ROBO2: variants seen among roughly 807,000 people sequenced by gnomAD.
The protein encoded by ROBO2 is roundabout homolog 2.
Under a neutral mutation model 160.8 loss-of-function variants are expected in ROBO2, and 53 were observed. That is an observed-to-expected ratio of 0.33 (90% CI 0.26 to 0.41). The LOEUF (loss-of-function observed/expected upper bound fraction) is 0.41. ROBO2 is among the 10% of genes least tolerant of loss of function. ROBO2 has a pLI of 1.00. For synonymous variants in ROBO2, 664 were observed against 611.7 expected (o/e 1.09, Z -1.26); for missense variants, 1,577 against 1,722.4 (o/e 0.92, Z 1.49).
At chr3:76,622,337 T>G (rs2089280782) in intron 2 of ROBO2, among the ~76,000 whole-genome samples, 2 of 148,890 alleles carry the variant, frequency 1.3e-5, no homozygotes, top group African/African-American at 2.5e-5. Context: ...TAGTGGTGCA[T>G]ACCTGTAGTC....
chr3:77,416,334 C>T (rs1038098443), intron 2 of ROBO2, among the ~76,000 whole-genome samples: 9 of 152,226 alleles, frequency 5.9e-5, no homozygotes, highest in African/African-American at 1.9e-4. Flanking sequence ...AGTGGACTCC[C>T]CTCAGAACTG....
intron 2 of ROBO2, among the ~76,000 whole-genome samples, chr3:76,299,793 G>C (rs1709266540): frequency 6.6e-6 from 1 of 152,002 alleles, no homozygotes; most frequent in Admixed American, 6.6e-5. Flanking sequence ...AGAGTCCATA[G>C]GATTTTGAGG....
chr3:76,646,962 C>T (rs1156656479), intron 2 of ROBO2, among the ~76,000 whole-genome samples: 1 of 152,162 alleles, frequency 6.6e-6, no homozygotes, highest in Non-Finnish European at 1.5e-5. Flanking sequence ...AGGGAAGAGG[C>T]TGGCCTTATT....
chr3:76,578,922 G>C (rs967003200), intron 2 of ROBO2, among the ~76,000 whole-genome samples: 5 of 152,110 alleles, frequency 3.3e-5, no homozygotes, highest in African/African-American at 1.2e-4. Context: ...TTCATACACA[G>C]AGTGGCTGAA....
At chr3:76,251,275 TC>T (rs1705980373) in intron 2 of ROBO2, among the ~76,000 whole-genome samples, 1 of 151,406 alleles carries the variant, frequency 6.6e-6, no homozygotes, top group Admixed American at 6.6e-5. Flanking sequence ...AAAAAAAAAA[TC>T]CACCTTCAGC....
chr3:77,399,950 G>C (rs929052718), intron 2 of ROBO2, among the ~76,000 whole-genome samples: 2 of 152,132 alleles, frequency 1.3e-5, no homozygotes, highest in African/African-American at 4.8e-5. Flanking sequence ...AATCTGCAGT[G>C]CGTTGCCTTG....
intron 2 of ROBO2, among the ~76,000 whole-genome samples, chr3:76,931,714 C>T (rs556477692): frequency 1.6e-4 from 24 of 152,038 alleles, no homozygotes; most frequent in Non-Finnish European, 2.1e-4. Context: ...CAGAGTCTCA[C>T]TCTGTCACTC....
chr3:77,277,553 G>T (rs2059971184), intron 2 of ROBO2, among the ~76,000 whole-genome samples: 1 of 152,090 alleles, frequency 6.6e-6, no homozygotes. Flanking sequence ...AACGTGTAGT[G>T]TTTGGTTTTC....
intron 2 of ROBO2, among the ~76,000 whole-genome samples, chr3:76,845,414 A>G (rs1000448186): frequency 2.9e-4 from 44 of 152,022 alleles, no homozygotes; most frequent in Non-Finnish European, 5.9e-5. Flanking sequence ...AATTCACTAT[A>G]TATTTTTATA....
At chr3:77,308,222 A>G (rs1194745742) in intron 2 of ROBO2, among the ~76,000 whole-genome samples, 1 of 151,998 alleles carries the variant, frequency 6.6e-6, no homozygotes. Flanking sequence ...TTTTCATGTG[A>G]GAGATAACAA....
chr3:77,162,335 G>A (rs2078569786), intron 2 of ROBO2, among the ~76,000 whole-genome samples: 1 of 152,098 alleles, frequency 6.6e-6, no homozygotes, highest in African/African-American at 2.4e-5. Flanking sequence ...TCTGAATGGT[G>A]GATAGATATT....
chr3:76,690,678 A>G (rs1263644814), intron 2 of ROBO2, among the ~76,000 whole-genome samples: 1 of 152,118 alleles, frequency 6.6e-6, no homozygotes, highest in Non-Finnish European at 1.5e-5. Flanking sequence ...ATTCCCCTCT[A>G]GATGAAAAGA....
chr3:76,803,904 G>A (rs1165592570), intron 2 of ROBO2, among the ~76,000 whole-genome samples: 1 of 152,164 alleles, frequency 6.6e-6, no homozygotes, highest in Non-Finnish European at 1.5e-5. Flanking sequence ...ACACATTAAA[G>A]GGAGCTAAGA....
chr3:76,972,649 G>A (rs7631104), intron 2 of ROBO2, among the ~76,000 whole-genome samples: 6,012 of 152,026 alleles, frequency 0.04, 386 homozygotes, highest in African/African-American at 0.14. Context: ...GTGAACCTAG[G>A]TGCTTGAGAC....
intron 2 of ROBO2, among the ~76,000 whole-genome samples, chr3:76,452,248 A>G (rs991240125): frequency 5.3e-5 from 8 of 152,062 alleles, no homozygotes; most frequent in Non-Finnish European, 1.0e-4. Flanking sequence ...ACATATGTAT[A>G]CATGTGCCAT....
At position 76,035,950 on chromosome 3, in the gene ROBO2, C is replaced by A. The variant is rs2067091494; in HGVS notation, c.109+98348C>A. On this transcript the variant is annotated intron_variant, in intron 2 of 26. Transcript: ENST00000487694. Reference sequence around the variant, plus strand: ...CAAGACCCTCAAATCATTGTATTGTCCTAACAGCTTTCGAAGAATTACTTC... The same window carrying A: ...CAAGACCCTCAAATCATTGTATTGTACTAACAGCTTTCGAAGAATTACTTC... Among the ~76,000 whole-genome samples, 4 of 152,070 alleles carry A rather than the reference C, an allele frequency of 2.6e-5. No individual in the cohort carries two copies. In the South Asian group the frequency reaches 8.3e-4, roughly 31 times the overall value.
intron 2 of ROBO2, among the ~76,000 whole-genome samples, chr3:75,998,667 C>A (rs1399327720): frequency 6.6e-6 from 1 of 152,156 alleles, no homozygotes; most frequent in Non-Finnish European, 1.5e-5. Flanking sequence ...CAGCATGCAG[C>A]AGGCGTATCC....
At chr3:76,383,032 A>G (rs1263957309) in intron 2 of ROBO2, among the ~76,000 whole-genome samples, 3 of 152,204 alleles carry the variant, frequency 2.0e-5, no homozygotes, top group African/African-American at 4.8e-5. Flanking sequence ...TCAGAGACAA[A>G]TAAAGAAGAG....
chr3:76,071,415 C>T lies in ROBO2; in HGVS notation c.109+133813C>T, dbSNP rs577404394. 2.0e-5 allele frequency among the ~76,000 whole-genome samples: 3 copies of T among 152,274 alleles called. No individual in the cohort carries two copies. In the South Asian group the frequency reaches 6.2e-4, roughly 32 times the overall value. ...AAGCTATTATCTCATCAGTAACTAT[C>T]TAATTTATAATATCCTATATTAAGT... On this transcript the variant is annotated intron_variant, in intron 2 of 26. Transcript: ENST00000487694.
Sources: gnomAD v4.1 joint callset for allele counts (sites outside exome capture counted in the v4.1 genomes callset) on GRCh38, gnomAD v4.1.1 for gene constraint, MANE v1.5 for transcripts, NCBI Gene and HGNC (gene_info 2026-07-23, HGNC 2026-07-21) for gene names.